The following RP1L1 variants were observed in gnomAD, a reference collection of about 807,000 sequenced individuals.
RP1L1 encodes the protein RP1 like 1.
RP1L1 carries 27 observed loss-of-function variants against 15.7 expected under a neutral mutation model. The ratio of observed to expected loss-of-function variants is 1.72; its 90% CI spans 1.27 to 2.38. RP1L1 has a LOEUF of 2.38. Among genes scored for constraint, RP1L1 ranks in the 30% most tolerant of loss-of-function variants. RP1L1 has a pLI of 0.00. For synonymous variants in RP1L1, 1,813 were observed against 1,276.7 expected (o/e 1.42, Z -8.96); for missense variants, 4,798 against 3,075.9 (o/e 1.56, Z -13.24).
At position 10,623,130 on chromosome 8, in the gene RP1L1, G is replaced by T. The variant is rs760022316; in HGVS notation, c.72C>A (p.Thr24=). 5 of 1,610,144 alleles carry T rather than the reference G, an allele frequency of 3.1e-6. No individual in the cohort carries two copies. Among genetic ancestry groups the T allele is most frequent in the East Asian group, 2.2e-5 (1 of 44,866 alleles). The change falls in exon 2 of 4, where the codon ACC becomes ACA. Residue 24 remains threonine, a synonymous_variant. Coordinates refer to ENST00000382483, the MANE Select transcript of RP1L1 (RefSeq NM_178857.6). ...CTGGCGTGACCTTGGTGACCGAGGG[G>T]GTGCGAGCCACAGAGGGCAGGAAGC... The part of the protein sequence containing the change: ...RECFLPSVAR[T]PSVTKVTPAK...
At chr8:10,646,274 G>A (rs1798476775) in intron 1 of RP1L1, among the ~76,000 whole-genome samples, 1 of 152,190 alleles carries the variant, frequency 6.6e-6, no homozygotes, top group Admixed American at 6.5e-5. Flanking sequence ...TGGAGGACGT[G>A]GAGGCTCAGA....
In RP1L1 at chr8:10,607,371, C is replaced by A. The variant is rs1332017069; in HGVS notation, c.6727G>T (p.Gly2243Ter). 14 of 1,613,902 alleles carry A rather than the reference C, an allele frequency of 8.7e-6. No individual in the cohort carries two copies. The highest frequency in any genetic ancestry group is 1.2e-5 in the Non-Finnish European group (14 of 1,179,934). The change falls in exon 4 of 4, where the codon GGA becomes TGA. Residue 2243 changes from glycine (G) to a stop codon, truncating the protein, a stop_gained. Coordinates refer to ENST00000382483, the MANE Select transcript of RP1L1 (RefSeq NM_178857.6). LOFTEE classifies it low-confidence loss of function (END_TRUNC). ...CCCTTTTTCTCACCTTGAGTTTCTC[C>A]TTCTGACTCTGGCTGGGCCTCCCCT... The part of the protein sequence containing the change: ...AEGEAQPESE[G>*]ETQGEKKGSP...
chr8:10,617,399 CAAAAAAAAAAAA>C (rs369885056), intron 2 of RP1L1, among the ~76,000 whole-genome samples: 2 of 83,018 alleles, frequency 2.4e-5, no homozygotes, highest in Non-Finnish European at 2.5e-5. Flanking sequence ...TGCTCATTAA[CAAAAAAAAAAAA>C]AAAAAAAAAA....
At chr8:10,617,996 C>A (rs1034689910) in intron 2 of RP1L1, among the ~76,000 whole-genome samples, 1 of 152,160 alleles carries the variant, frequency 6.6e-6, no homozygotes, top group Non-Finnish European at 1.5e-5. Flanking sequence ...ACATGCTAGT[C>A]CACGGTAATG....
chr8:10,608,629 G>C lies in RP1L1; in HGVS notation c.5469C>G (p.Asp1823Glu), dbSNP rs771364687. The change falls in exon 4 of 4, where the codon GAC becomes GAG. Residue 1823 changes from aspartate (D) to glutamate (E), a missense_variant. Physicochemically the swap from Asp to Glu is conservative, Grantham distance 45. Transcript: ENST00000382483. ...NLQGEAAAGGDQDPGQSDGAE... is the reference protein window; with the variant it reads ...NLQGEAAAGGEQDPGQSDGAE... ...CCCCATCACTCTGTCCTGGATCTTG[G>C]TCACCTCCTGCCGCAGCTTCACCCT... The C allele has an allele frequency of 1.2e-6, 2 of 1,614,090 alleles. No homozygotes were observed. The highest frequency in any genetic ancestry group is 1.1e-5 in the South Asian group (1 of 91,066).
chr8:10,608,283 C>A lies in RP1L1; in HGVS notation c.5815G>T (p.Glu1939Ter). 6.3e-7 allele frequency: 1 copy of A among 1,597,272 alleles called. No individual in the cohort carries two copies. The highest frequency in any genetic ancestry group is 1.7e-4 in the Middle Eastern group (1 of 5,996). The change falls in exon 4 of 4, where the codon GAG becomes TAG. Residue 1939 changes from glutamate to a stop codon, truncating the protein, a stop_gained. Transcript: ENST00000382483. LOFTEE classifies it low-confidence loss of function (END_TRUNC). ...GCCGCCTCTTCTGCCTCTTGGGCCT[C>A]TGCACCTTCTGACTCTGGCTCGTCC... ...GEDEPESEGA[E>*]AQEAEEAAQE...
rs906585542 is a variant in RP1L1 at position 10,607,761 on chromosome 8, C to G, written c.6337G>C (p.Ala2113Pro). The G allele has an allele frequency of 6.2e-7, 1 of 1,610,880 alleles. No individual in the cohort carries two copies. Among genetic ancestry groups the G allele is most frequent in the Admixed American group, 1.7e-5 (1 of 59,778 alleles). The stretch of plus-strand genomic sequence containing the variant: ...GTCTCTGGGGCCTCTATACCTTCTG[C>G]CTTCTGGGCCTCCCCTTCTGCCTCT... ...APEAEGEAQK[A>P]EGIEAPETEG... The change falls in exon 4 of 4, where the codon GCA (alanine) becomes CCA (proline). Residue 2113 changes from alanine to proline, a missense_variant. Physicochemically the swap from Ala to Pro is conservative, Grantham distance 27 (BLOSUM62 -1). Coordinates refer to ENST00000382483, the MANE Select transcript of RP1L1 (RefSeq NM_178857.6).
At position 10,607,743 on chromosome 8, in the gene RP1L1, G is replaced by C; in HGVS notation, c.6355C>G (p.Pro2119Ala). The change falls in exon 4 of 4, where the codon CCA becomes GCA. Residue 2119 changes from proline (P) to alanine (A), a missense_variant. Pro to Ala is a conservative substitution (Grantham distance 27, BLOSUM62 -1). Coordinates refer to ENST00000382483, the MANE Select transcript of RP1L1 (RefSeq NM_178857.6). ...EAQKAEGIEAPETEGEAQPES... is the reference protein window; with the variant it reads ...EAQKAEGIEAAETEGEAQPES... ...GGCTGGGCCTCCCCTTCAGTCTCTG[G>C]GGCCTCTATACCTTCTGCCTTCTGG... The C allele has an allele frequency of 1.2e-6, 2 of 1,603,386 alleles. No homozygotes were observed. Among genetic ancestry groups the C allele is most frequent in the Non-Finnish European group, 8.5e-7 (1 of 1,178,016 alleles).
In RP1L1 at chr8:10,609,458, A is replaced by C; in HGVS notation, c.4640T>G (p.Leu1547Arg). ...AVAELRARWGLQDNDLLDQMA... is the reference protein window; with the variant it reads ...AVAELRARWGRQDNDLLDQMA... Reference sequence around the variant, plus strand: ...CTGGTCCAGCAGATCATTGTCCTGCAGGCCCCAGCGTGCTCGGAGCTCAGC... The same window carrying C: ...CTGGTCCAGCAGATCATTGTCCTGCCGGCCCCAGCGTGCTCGGAGCTCAGC... The change falls in exon 4 of 4, where the codon CTG (leucine) becomes CGG (arginine). Residue 1547 changes from leucine to arginine, a missense_variant. Physicochemically the swap from Leu to Arg is moderately radical, Grantham distance 102 (BLOSUM62 -2). Transcript: ENST00000382483. 1 of 1,612,380 alleles carries C rather than the reference A, an allele frequency of 6.2e-7. No individual in the cohort carries two copies. Among genetic ancestry groups the C allele is most frequent in the South Asian group, 1.1e-5 (1 of 91,082 alleles).
chr8:10,623,618 C>A (rs1455491088), intron 1 of RP1L1, among the ~76,000 whole-genome samples: 1 of 151,428 alleles, frequency 6.6e-6, no homozygotes, highest in South Asian at 2.1e-4. Context: ...CCCAGCACTT[C>A]CATGTCCCCA....
chr8:10,611,146 C>G lies in RP1L1; in HGVS notation c.2952G>C (p.Gly984=). The change falls in exon 4 of 4, where the codon GGG becomes GGC. Residue 984 remains glycine (G), a synonymous_variant. Coordinates refer to ENST00000382483, the MANE Select transcript of RP1L1 (RefSeq NM_178857.6). ...CCACCTCGGGGCCTCTCAGGCCACC[C>G]CCAGCTGCACCTGTGGTCTCGTCCG... is the stretch of plus-strand genomic sequence containing the variant. ...ELADETTGAA[G]GGLRGPEVDP... 1.2e-6 allele frequency: 2 copies of G among 1,612,946 alleles called. No individual in the cohort carries two copies. Among genetic ancestry groups the G allele is most frequent in the African/African-American group, 1.3e-5 (1 of 75,056 alleles).
chr8:10,627,710 A>T (rs1235962881), intron 1 of RP1L1, among the ~76,000 whole-genome samples: 1 of 152,168 alleles, frequency 6.6e-6, no homozygotes, highest in Non-Finnish European at 1.5e-5. Context: ...TAAGAAGGTA[A>T]TTACCCCTTA....
rs778180644 is a variant in RP1L1, at chr8:10,616,519, T to A, written c.678A>T (p.Arg226Ser). ...TCCTGGCATTTTTCATGGCTGGGGT[T>A]CTGAAGGCCTCATGCCCGGCACACA... is the stretch of plus-strand genomic sequence containing the variant. ...VLVCAGHEAFRTPAMKNARRS... is the reference protein window; with the variant it reads ...VLVCAGHEAFSTPAMKNARRS... The change falls in exon 3 of 4, where the codon AGA becomes AGT. Residue 226 changes from arginine to serine, a missense_variant. Transcript: ENST00000382483. 1.2e-6 allele frequency: 2 copies of A among 1,614,088 alleles called. No individual in the cohort carries two copies. Among genetic ancestry groups the A allele is most frequent in the East Asian group, 4.5e-5 (2 of 44,882 alleles).
At chr8:10,654,649 C>T (rs1798611565) in intron 1 of RP1L1, among the ~76,000 whole-genome samples, 1 of 152,226 alleles carries the variant, frequency 6.6e-6, no homozygotes, top group African/African-American at 2.4e-5. Context: ...TACTAACATC[C>T]TGTAAATCAA....
intron 1 of RP1L1, among the ~76,000 whole-genome samples, chr8:10,644,393 C>G (rs146348158): frequency 2.6e-5 from 4 of 152,316 alleles, no homozygotes; most frequent in Admixed American, 6.5e-5. Context: ...GCAGCCCCAG[C>G]TGACCTTCTG....
At chr8:10,635,748 G>C (rs944172983) in intron 1 of RP1L1, among the ~76,000 whole-genome samples, 1 of 152,228 alleles carries the variant, frequency 6.6e-6, no homozygotes, top group Admixed American at 6.5e-5. Context: ...GAGGATGTGG[G>C]AGACTTTTGT....
chr8:10,612,615 C>A lies in RP1L1; in HGVS notation c.1483G>T (p.Ala495Ser). Residue 495 changes from alanine to serine, a missense_variant, in exon 4 of 4, where the codon GCT (alanine) becomes TCT (serine). Transcript: ENST00000382483. ...PSAQIGAERK[A>S]GGSLGEDPGL... ...GGGTCCTCACCCAGGCTCCCTCCAG[C>A]TTTCCGCTCAGCCCCTATCTGGGCA... 1 of 1,602,576 alleles carries A rather than the reference C, an allele frequency of 6.2e-7. No homozygotes were observed. The highest frequency in any genetic ancestry group is 8.5e-7 in the Non-Finnish European group (1 of 1,179,384).
chr8:10,622,371 C>T (rs1798074230), intron 2 of RP1L1, among the ~76,000 whole-genome samples: 1 of 151,244 alleles, frequency 6.6e-6, no homozygotes, highest in Admixed American at 6.6e-5. Context: ...AGGCACAATG[C>T]CTGCCACTTA....
In RP1L1 at chr8:10,612,842, C is replaced by G. The variant is rs1433816303; in HGVS notation, c.1256G>C (p.Arg419Thr). The G allele has an allele frequency of 6.2e-7, 1 of 1,612,674 alleles. No homozygotes were observed. The highest frequency in any genetic ancestry group is 8.5e-7 in the Non-Finnish European group (1 of 1,179,932). Residue 419 changes from arginine (R) to threonine (T), a missense_variant, in exon 4 of 4, where the codon AGA becomes ACA. By Grantham distance (71) the Arg-to-Thr change is moderately conservative. Coordinates refer to ENST00000382483, the MANE Select transcript of RP1L1 (RefSeq NM_178857.6). Reference protein sequence around the residue: ...TNPLHASQGERVAARKRWGLA... With the variant: ...TNPLHASQGETVAARKRWGLA... ...TCCCCACCTCTTCCGAGCTGCCACT[C>G]TCTCTCCCTGGGAGGCATGCAGGGG... is the stretch of plus-strand genomic sequence containing the variant.
Sources: gnomAD v4.1 joint callset for allele counts (sites outside exome capture counted in the v4.1 genomes callset) on GRCh38, gnomAD v4.1.1 for gene constraint, MANE v1.5 for transcripts, NCBI Gene and HGNC (gene_info 2026-07-23, HGNC 2026-07-21) for gene names.